CSMD3: variants seen among roughly 807,000 people sequenced by gnomAD.
CSMD3 encodes the protein CUB and Sushi multiple domains 3.
A neutral mutation model predicts 435.2 loss-of-function variants in CSMD3; 177 were observed. The observed-to-expected ratio is 0.41, with a 90% CI of 0.36 to 0.46. The LOEUF (loss-of-function observed/expected upper bound fraction) is 0.46. Ranked by LOEUF, CSMD3 falls within the 20% of genes least tolerant of loss-of-function variation. The pLI is 0.34. For missense variants in CSMD3, 4,265 were observed against 4,504.6 expected (o/e 0.95, Z 1.52); for synonymous variants, 1,656 against 1,520.5 (o/e 1.09, Z -2.07).
At chr8:112,869,390 A>G (rs759626836) in intron 10 of CSMD3, among the ~76,000 whole-genome samples, 17 of 152,190 alleles carry the variant, frequency 1.1e-4, no homozygotes, top group Non-Finnish European at 2.1e-4. Context: ...AATAAAATTA[A>G]TGTTTTTATT....
At chr8:112,983,418 G>A (rs575725610) in intron 6 of CSMD3, among the ~76,000 whole-genome samples, 1 of 151,140 alleles carries the variant, frequency 6.6e-6, no homozygotes, top group East Asian at 1.9e-4. Context: ...TGATTTAATG[G>A]AACCAAGAAA....
chr8:113,060,026 G>T (rs2088538117), intron 5 of CSMD3, among the ~76,000 whole-genome samples: 2 of 147,654 alleles, frequency 1.4e-5, no homozygotes, highest in African/African-American at 2.5e-5. Flanking sequence ...AAGTTTTAGG[G>T]TACATGTGCA....
chr8:112,716,290 A>T (rs2076726539), intron 13 of CSMD3, among the ~76,000 whole-genome samples: 2 of 152,300 alleles, frequency 1.3e-5, no homozygotes, highest in South Asian at 4.1e-4. Context: ...ATAGATAAGC[A>T]GAGAGCCACA....
chr8:113,202,540 T>C (rs2092725610), intron 3 of CSMD3, among the ~76,000 whole-genome samples: 2 of 152,158 alleles, frequency 1.3e-5, no homozygotes, highest in Non-Finnish European at 2.9e-5. Context: ...GGAAATGCCA[T>C]TGACATATGA....
rs555975267 is a variant in CSMD3 at position 112,554,988 on chromosome 8, C to A, written c.4234+1775G>T. Among the ~76,000 whole-genome samples the A allele has an allele frequency of 2.6e-5, 4 of 152,014 alleles. 1 individual carries two copies. The South Asian group carries it at 8.3e-4, about 31-fold the overall frequency. On this transcript the variant is annotated intron_variant, in intron 25 of 70. Coordinates refer to ENST00000297405, the MANE Select transcript of CSMD3 (RefSeq NM_198123.2). ...TATTAATCATTGCGAGTAGAGAACA[C>A]CATCTAAAATAGAATTTCATCTTCT...
rs1262576549 is a variant in CSMD3, at chr8:112,396,529, G to A, written c.5810-5741C>T. Among the ~76,000 whole-genome samples the A allele has an allele frequency of 2.0e-5, 3 of 152,180 alleles. No individual in the cohort carries two copies. The East Asian group carries it at 5.8e-4, about 29-fold the overall frequency. On this transcript the variant is annotated intron_variant, in intron 35 of 70. Coordinates refer to ENST00000297405, the MANE Select transcript of CSMD3 (RefSeq NM_198123.2). ...AGGTTTAAGCAAGGAAACTATGCAAGAGTATCACCATGTGGTGGAATACTG... is the reference window on the plus strand; with the variant it reads ...AGGTTTAAGCAAGGAAACTATGCAAAAGTATCACCATGTGGTGGAATACTG...
chr8:112,524,610 C>T (rs1824664051), intron 27 of CSMD3, among the ~76,000 whole-genome samples: 1 of 151,776 alleles, frequency 6.6e-6, no homozygotes, highest in Non-Finnish European at 1.5e-5. Context: ...ACATGTGTAT[C>T]AAAATCTGAT....
At chr8:112,958,826 G>T (rs905652370) in intron 7 of CSMD3, among the ~76,000 whole-genome samples, 2 of 152,034 alleles carry the variant, frequency 1.3e-5, no homozygotes, top group Non-Finnish European at 2.9e-5. Flanking sequence ...GAGAACATCT[G>T]GTATTGGTGG....
intron 1 of CSMD3, among the ~76,000 whole-genome samples, chr8:113,432,950 G>C (rs1405876631): frequency 6.6e-6 from 1 of 152,088 alleles, no homozygotes; most frequent in Non-Finnish European, 1.5e-5. Flanking sequence ...ACGCACACAC[G>C]CACATCAACA....
chr8:112,729,077 A>C (rs1329809270), intron 13 of CSMD3, among the ~76,000 whole-genome samples: 2 of 151,972 alleles, frequency 1.3e-5, no homozygotes, highest in African/African-American at 4.8e-5. Context: ...TTTGAAAGTA[A>C]AATTTTGAAT....
At chr8:113,173,507 A>G (rs949937766) in intron 4 of CSMD3, among the ~76,000 whole-genome samples, 22 of 151,956 alleles carry the variant, frequency 1.4e-4, no homozygotes, top group Non-Finnish European at 4.4e-5. Flanking sequence ...TTTTTAGTAA[A>G]GATGGGGCTT....
In CSMD3 at chr8:112,650,361, A is replaced by G. The variant is rs779195676; in HGVS notation, c.3005-12T>C. The G allele has an allele frequency of 1.9e-6, 3 of 1,606,336 alleles. No homozygotes were observed. In the East Asian group the frequency reaches 6.7e-5, roughly 36 times the overall value. On this transcript the variant is annotated splice_polypyrimidine_tract_variant and intron_variant, in intron 18 of 70. Coordinates refer to ENST00000297405, the MANE Select transcript of CSMD3 (RefSeq NM_198123.2). Reference sequence around the variant, plus strand: ...GTTCACTGTAACACCTGGAAAACAAAGGGAAGAAAATAAAGAGTAAGCTTG... The same window carrying G: ...GTTCACTGTAACACCTGGAAAACAAGGGGAAGAAAATAAAGAGTAAGCTTG...
intron 1 of CSMD3, among the ~76,000 whole-genome samples, chr8:113,423,113 A>G (rs1397400863): frequency 6.6e-6 from 1 of 152,046 alleles, no homozygotes; most frequent in African/African-American, 2.4e-5. Context: ...TGGTTTATGA[A>G]AATAATTTTT....
intron 38 of CSMD3, among the ~76,000 whole-genome samples, chr8:112,356,914 T>A (rs544624289): frequency 6.6e-6 from 1 of 152,136 alleles, no homozygotes; most frequent in Non-Finnish European, 1.5e-5. Flanking sequence ...GTCTCAGGTA[T>A]GTCTTTATCA....
At chr8:112,377,661 A>G (rs892481611) in intron 38 of CSMD3, among the ~76,000 whole-genome samples, 1 of 152,136 alleles carries the variant, frequency 6.6e-6, no homozygotes, top group South Asian at 2.1e-4. Flanking sequence ...ACTAAGAGGA[A>G]TTTATTCCTG....
intron 5 of CSMD3, among the ~76,000 whole-genome samples, chr8:113,067,701 A>G (rs1467770997): frequency 6.6e-6 from 1 of 152,120 alleles, no homozygotes; most frequent in East Asian, 1.9e-4. Flanking sequence ...AAAAATAGTG[A>G]CTTATTTTGT....
chr8:112,823,173 C>T (rs1729479911), intron 12 of CSMD3, among the ~76,000 whole-genome samples: 1 of 152,186 alleles, frequency 6.6e-6, no homozygotes, highest in South Asian at 2.1e-4. Flanking sequence ...AGGAGTCCCT[C>T]CATTTCAACT....
intron 4 of CSMD3, among the ~76,000 whole-genome samples, chr8:113,168,349 T>C (rs976034801): frequency 9.9e-5 from 15 of 151,562 alleles, no homozygotes; most frequent in African/African-American, 3.6e-4. Flanking sequence ...GGTCAAACCC[T>C]GTCTCTACTG....
intron 66 of CSMD3, among the ~76,000 whole-genome samples, 153 bp downstream of exon 66, chr8:112,241,567 T>C (rs546547192): frequency 1.3e-5 from 2 of 152,230 alleles, no homozygotes; most frequent in Admixed American, 6.6e-5. Context: ...ATTACATTGC[T>C]TTAAATTCAA....
Sources: allele counts gnomAD v4.1 joint callset (sites outside exome capture counted in the v4.1 genomes callset), GRCh38; gene constraint gnomAD v4.1.1; transcripts MANE v1.5; gene names NCBI Gene and HGNC (gene_info 2026-07-23, HGNC 2026-07-21).